The following ZFYVE16 variants were observed in gnomAD, a reference collection of about 807,000 sequenced individuals.
The protein encoded by ZFYVE16 is zinc finger FYVE-type containing 16.
In ZFYVE16, 89 loss-of-function variants were observed where a neutral mutation model predicts 138.1. The ratio of observed to expected loss-of-function variants is 0.64; its 90% CI spans 0.54 to 0.77. The LOEUF (loss-of-function observed/expected upper bound fraction) is 0.77. ZFYVE16 is among the 30% of genes least tolerant of loss of function. The probability of loss-of-function intolerance (pLI) is 0.00; values close to 1 mark genes in which losing one functional copy is unlikely to be tolerated. For synonymous variants in ZFYVE16, 596 were observed against 618.3 expected, an observed-to-expected ratio of 0.96 and a Z score of 0.53; for missense variants, 1,793 against 1,786.7, an observed-to-expected ratio of 1.00 and a Z score of -0.06.
chr5:80,470,534 C>T (rs1754266560), intron 15 of ZFYVE16, among the ~76,000 whole-genome samples: 1 of 151,576 alleles, frequency 6.6e-6, no homozygotes, highest in Non-Finnish European at 1.5e-5. Context: ...TTTTTTGAGA[C>T]AGGATCTCGC....
At chr5:80,444,297 A>T (rs1425223810) in intron 6 of ZFYVE16, among the ~76,000 whole-genome samples, 1 of 152,162 alleles carries the variant, frequency 6.6e-6, no homozygotes, top group Non-Finnish European at 1.5e-5. Context: ...TATTCTATTG[A>T]TAACCCAAAT....
chr5:80,477,287 T>C lies in ZFYVE16; in HGVS notation c.4530T>C (p.Ala1510=). The change falls in exon 19 of 19, where the codon GCT becomes GCC. Residue 1510 remains alanine, a synonymous_variant. Coordinates refer to ENST00000505560, the MANE Select transcript of ZFYVE16 (RefSeq NM_001284236.3). Reference sequence around the variant, plus strand: ...ATTATCTAAATGATCTTGATAGTGCTCTGATACCTGTGATCCATGGTGGGA... The same window carrying C: ...ATTATCTAAATGATCTTGATAGTGCCCTGATACCTGTGATCCATGGTGGGA... The part of the protein sequence containing the change: ...PQHYLNDLDS[A]LIPVIHGGTS... The C allele has an allele frequency of 6.2e-7, 1 of 1,610,348 alleles. No homozygotes were observed. The highest frequency in any genetic ancestry group is 8.5e-7 in the Non-Finnish European group (1 of 1,178,874).
At chr5:80,429,595 A>G (rs985735113) in intron 2 of ZFYVE16, among the ~76,000 whole-genome samples, 2 of 152,218 alleles carry the variant, frequency 1.3e-5, no homozygotes, top group Admixed American at 1.3e-4. Flanking sequence ...AAATTCACAC[A>G]TAACAATATG....
chr5:80,462,466 C>T (rs1035252702), intron 15 of ZFYVE16, among the ~76,000 whole-genome samples: 3 of 152,110 alleles, frequency 2.0e-5, no homozygotes, highest in Non-Finnish European at 4.4e-5. Flanking sequence ...GGGAAACTGC[C>T]CCCATGATCC....
upstream of ZFYVE16, chr5:80,407,990 A>T (rs1259527997): frequency 6.6e-6 from 1 of 152,332 alleles, no homozygotes; most frequent in Non-Finnish European, 1.5e-5. Context: ...GCCGAAGAGG[A>T]AAGCGTCCTC....
intron 15 of ZFYVE16, among the ~76,000 whole-genome samples, chr5:80,470,307 T>C (rs1754244619): frequency 1.3e-5 from 2 of 151,512 alleles, no homozygotes; most frequent in East Asian, 2.0e-4. Context: ...TTCACCATGT[T>C]AGCCAGGATG....
chr5:80,453,222 A>G (rs1216502386), intron 11 of ZFYVE16, among the ~76,000 whole-genome samples: 1 of 152,200 alleles, frequency 6.6e-6, no homozygotes, highest in Non-Finnish European at 1.5e-5. Context: ...GTGTGATGCT[A>G]TTAACTTGTG....
intron 5 of ZFYVE16, 192 bp from the exon 6 acceptor site, chr5:80,442,931 G>C: frequency 3.9e-6 from 2 of 516,204 alleles, no homozygotes; most frequent in South Asian, 3.1e-5. Flanking sequence ...TTATCAAAGT[G>C]GCATGCTGCC....
At chr5:80,410,869 T>C (rs763897584) in intron 1 of ZFYVE16, among the ~76,000 whole-genome samples, 7 of 150,052 alleles carry the variant, frequency 4.7e-5, no homozygotes, top group Non-Finnish European at 5.9e-5. Flanking sequence ...CACCCGACCT[T>C]AGGAAACGTG....
At chr5:80,427,359 T>TA (rs1325986522) in intron 1 of ZFYVE16, 133 bp from the exon 2 acceptor site, 4 of 152,066 alleles carry the variant, frequency 2.6e-5, no homozygotes, top group African/African-American at 9.7e-5. Flanking sequence ...TTTGTTTTTT[T>TA]AAAAAAAATC....
Position 80,443,261 on chromosome 5 carries a change from C to T in ZFYVE16, c.2558C>T (p.Ala853Val), listed in dbSNP as rs1750919833. Reference sequence around the variant, plus strand: ...TCACCAGCAACTTTGCCAGTCTCAGCACTTAAACAACCAGGTGTTGAAGGT... The same window carrying T: ...TCACCAGCAACTTTGCCAGTCTCAGTACTTAAACAACCAGGTGTTGAAGGT... ...IPSPATLPVS[A>V]LKQPGVEGLC... The change falls in exon 6 of 19, where the codon GCA (alanine) becomes GTA (valine). Residue 853 changes from alanine to valine, a missense_variant. By Grantham distance (64) the Ala-to-Val change is moderately conservative. Transcript: ENST00000505560. 6.2e-7 allele frequency: 1 copy of T among 1,609,672 alleles called. No homozygotes were observed.
intron 1 of ZFYVE16, among the ~76,000 whole-genome samples, chr5:80,420,119 T>C: frequency 6.6e-6 from 1 of 150,686 alleles, no homozygotes. Context: ...TTTTTTTTTT[T>C]CTTTTGAGAC....
intron 2 of ZFYVE16, 54 bp from the exon 3 acceptor site, chr5:80,434,055 C>A: frequency 8.4e-7 from 1 of 1,189,362 alleles, no homozygotes; most frequent in Non-Finnish European, 1.2e-6. Flanking sequence ...GAATACATGG[C>A]ATAAAATTTG....
At position 80,438,838 on chromosome 5, in the gene ZFYVE16, TC is replaced by T; in HGVS notation, c.2154del (p.Phe718LeufsTer2). ...IESNSEGGSS[F>X]VTANEDSVPE... is the part of the protein sequence containing the mutation. ...AGTAATTCTGAAGGTGGATCTAGTTTCGTAACTGCAAATGAAGATTCTGTAC... is the reference window on the plus strand; with the variant it reads ...AGTAATTCTGAAGGTGGATCTAGTTTGTAACTGCAAATGAAGATTCTGTAC... On this transcript the variant is annotated frameshift_variant, in exon 4 of 19. Transcript: ENST00000505560. LOFTEE classifies it high-confidence loss of function. 1 of 1,614,128 alleles carries T rather than the reference TC, an allele frequency of 6.2e-7. No homozygotes were observed. Among genetic ancestry groups the T allele is most frequent in the Non-Finnish European group, 8.5e-7 (1 of 1,179,966 alleles).
chr5:80,471,478 A>G (rs1261482804), intron 15 of ZFYVE16, among the ~76,000 whole-genome samples: 2 of 152,194 alleles, frequency 1.3e-5, no homozygotes, highest in Admixed American at 6.5e-5. Context: ...TCCCCATGTG[A>G]CCATCTCACC....
intron 13 of ZFYVE16, 72 bp downstream of exon 13, chr5:80,456,637 A>G: frequency 7.2e-7 from 1 of 1,388,280 alleles, no homozygotes; most frequent in Non-Finnish European, 9.9e-7. Context: ...GTCACATTAA[A>G]TTTTTTGTTT....
At position 80,437,431 on chromosome 5, in the gene ZFYVE16, C is replaced by T. The variant is rs1376557812; in HGVS notation, c.746C>T (p.Thr249Ile). The T allele has an allele frequency of 1.9e-6, 3 of 1,603,386 alleles. No individual in the cohort carries two copies. Among genetic ancestry groups the T allele is most frequent in the Non-Finnish European group, 2.6e-6 (3 of 1,175,758 alleles). ...GATTTTAACATGTCATCTGCTTTGA[C>T]TCGACAAAGTTCCAAAATGTTTCAT... ...IVDFNMSSALTRQSSKMFHAK... is the reference protein window; with the variant it reads ...IVDFNMSSALIRQSSKMFHAK... The change falls in exon 4 of 19, where the codon ACT (threonine) becomes ATT (isoleucine). Residue 249 changes from threonine to isoleucine, a missense_variant. Around this residue, in one of 2 missense-constraint regions of ZFYVE16, gnomAD observed 1,295 missense variants for 1,204.3 expected, o/e 1.08. Coordinates refer to ENST00000505560, the MANE Select transcript of ZFYVE16 (RefSeq NM_001284236.3).
chr5:80,440,198 C>T, intron 5 of ZFYVE16, 166 bp downstream of exon 5: 3 of 1,239,362 alleles, frequency 2.4e-6, no homozygotes, highest in Non-Finnish European at 1.0e-6. Context: ...CTTTTTGTTC[C>T]ACTCTCACAA....
intron 1 of ZFYVE16, among the ~76,000 whole-genome samples, chr5:80,424,313 G>A (rs1014911651): frequency 6.6e-6 from 1 of 152,056 alleles, no homozygotes; most frequent in Non-Finnish European, 1.5e-5. Flanking sequence ...CTGCGATCAG[G>A]TTCCATGACC....
Sources: gnomAD v4.1 joint callset for allele counts (sites outside exome capture counted in the v4.1 genomes callset) on GRCh38, gnomAD v4.1.1 for gene constraint, gnomAD v4.1.1 regional missense constraint, MANE v1.5 for transcripts, NCBI Gene and HGNC (gene_info 2026-07-23, HGNC 2026-07-21) for gene names.